The following SLC4A4 variants were observed in gnomAD, a reference collection of about 807,000 sequenced individuals.
The protein encoded by SLC4A4 is electrogenic sodium bicarbonate cotransporter 1.
In SLC4A4, 27 loss-of-function variants were observed where a neutral mutation model predicts 111.5. The observed-to-expected ratio is 0.24, with a 90% CI of 0.18 to 0.33. The LOEUF (loss-of-function observed/expected upper bound fraction) is 0.33, where lower values mean the gene tolerates loss of function less well. SLC4A4 is among the 10% of genes least tolerant of loss of function. The pLI, the probability that SLC4A4 is intolerant of heterozygous loss-of-function variation, is 1.00. For synonymous variants in SLC4A4, 443 were observed against 463.4 expected (o/e 0.96, Z 0.57); for missense variants, 909 against 1,315.5 (o/e 0.69, Z 4.78).
At chr4:71,531,788 C>G (rs1378012783) in intron 16 of SLC4A4, among the ~76,000 whole-genome samples, 18 of 149,400 alleles carry the variant, frequency 1.2e-4, no homozygotes, top group African/African-American at 4.0e-4. Flanking sequence ...CACACACACA[C>G]ACACACACAC....
At chr4:71,379,867 T>C (rs1464558981) in intron 6 of SLC4A4, among the ~76,000 whole-genome samples, 2 of 152,114 alleles carry the variant, frequency 1.3e-5, no homozygotes, top group African/African-American at 4.8e-5. Flanking sequence ...TGTGGAGCTG[T>C]TACTGGGCCA....
At chr4:71,414,394 G>A (rs3935293) in intron 7 of SLC4A4, among the ~76,000 whole-genome samples, 30,062 of 152,228 alleles carry the variant, frequency 0.2, 3,320 homozygotes, top group South Asian at 0.42. Context: ...AGCAAAGGGT[G>A]GGAGAAGCAA....
rs1361943826 is a variant in SLC4A4, at chr4:71,168,848, C to T, written c.-1-67728C>T. Among the ~76,000 whole-genome samples the T allele has an allele frequency of 4.6e-5, 7 of 152,058 alleles. 1 individual carries two copies. The highest frequency in any genetic ancestry group is 2.0e-4 in the Admixed American group (3 of 15,260). ...GTATATGTACCACACTTTATGCATT[C>T]CCCTGTTGATGGGCACTTAGGTTGC... On this transcript the variant is annotated intron_variant, in intron 2 of 26. Coordinates refer to the SLC4A4 transcript ENST00000649996.
At chr4:71,340,445 C>T (rs532040908) in intron 4 of SLC4A4, among the ~76,000 whole-genome samples, 1 of 152,016 alleles carries the variant, frequency 6.6e-6, no homozygotes, top group Non-Finnish European at 1.5e-5. Context: ...TTGTTAGTCC[C>T]TTACTGTGCC....
chr4:71,088,306 C>G (rs756082385), intron 1 of SLC4A4, among the ~76,000 whole-genome samples: 13 of 151,446 alleles, frequency 8.6e-5, no homozygotes, highest in Non-Finnish European at 1.8e-4. Flanking sequence ...GTCTCTGCAC[C>G]TGAGGTGGGT....
intron 3 of SLC4A4, among the ~76,000 whole-genome samples, chr4:71,273,137 T>G (rs1578726998): frequency 6.6e-6 from 1 of 152,204 alleles, no homozygotes; most frequent in Admixed American, 6.5e-5. Context: ...ATGAGGTAGA[T>G]ATAATTATTA....
chr4:71,415,251 G>A (rs1184884449), intron 7 of SLC4A4, among the ~76,000 whole-genome samples: 1 of 152,138 alleles, frequency 6.6e-6, no homozygotes, highest in Non-Finnish European at 1.5e-5. Flanking sequence ...AAGTTCAGAT[G>A]ATTGTATATC....
At chr4:71,323,394 C>A (rs1024811458) in intron 3 of SLC4A4, among the ~76,000 whole-genome samples, 1 of 151,716 alleles carries the variant, frequency 6.6e-6, no homozygotes, top group African/African-American at 2.4e-5. Context: ...AAACAAACAA[C>A]AAGAAAGAAT....
intron 2 of SLC4A4, among the ~76,000 whole-genome samples, chr4:71,249,056 A>C (rs184295009): frequency 6.6e-6 from 1 of 152,252 alleles, no homozygotes; most frequent in Admixed American, 6.5e-5. Context: ...GTGCTCAGTG[A>C]ACATCAAGTA....
chr4:71,181,167 A>C lies in SLC4A4; in HGVS notation c.-1-55409A>C, dbSNP rs958000713. Among the ~76,000 whole-genome samples the C allele has an allele frequency of 2.8e-5, 4 of 140,992 alleles. No individual in the cohort carries two copies. The East Asian group carries it at 8.9e-4, about 31-fold the overall frequency. The allele number at this position is 140,992 out of a possible 152,430, so 92.5% of individuals were successfully genotyped here. A position where few individuals can be genotyped will look rare whatever the true frequency, so the allele number is the denominator to read the frequency against. On this transcript the variant is annotated intron_variant, in intron 2 of 26. Transcript: ENST00000649996. ...ACTCATAGGTGGGAATTGAACAATG[A>C]GAACACATGGACACAGGAAGGGGAA...
intron 2 of SLC4A4, among the ~76,000 whole-genome samples, chr4:71,099,675 T>C (rs556232937): frequency 6.6e-6 from 1 of 151,976 alleles, no homozygotes; most frequent in South Asian, 2.1e-4. Context: ...AAAAAATTAA[T>C]GAGATTGATA....
At chr4:71,406,436 G>T (rs1365061679) in intron 7 of SLC4A4, among the ~76,000 whole-genome samples, 1 of 151,992 alleles carries the variant, frequency 6.6e-6, no homozygotes. Context: ...ATGGGAGGAA[G>T]TTTTTCCTGT....
At chr4:71,452,508 C>T (rs1725861127) in intron 11 of SLC4A4, among the ~76,000 whole-genome samples, 2 of 152,100 alleles carry the variant, frequency 1.3e-5, no homozygotes, top group Non-Finnish European at 2.9e-5. Flanking sequence ...GGCTAAGGTC[C>T]AGTGGTTGTG....
intron 3 of SLC4A4, among the ~76,000 whole-genome samples, chr4:71,303,741 T>A (rs1578792582): frequency 6.9e-6 from 1 of 145,818 alleles, no homozygotes; most frequent in Admixed American, 7.2e-5. Flanking sequence ...TCCCTTCGTC[T>A]TCTTCTTTTA....
intron 1 of SLC4A4, among the ~76,000 whole-genome samples, chr4:71,208,046 C>T (rs1717887499): frequency 6.6e-6 from 1 of 152,174 alleles, no homozygotes; most frequent in African/African-American, 2.4e-5. Flanking sequence ...TGGGCTCAAG[C>T]CATCCCTCTG....
intron 16 of SLC4A4, among the ~76,000 whole-genome samples, chr4:71,504,744 G>A (rs1035544078): frequency 6.6e-6 from 1 of 150,560 alleles, no homozygotes; most frequent in African/African-American, 2.4e-5. Context: ...TTCTAATTCA[G>A]GGTACATATA....
rs372839369 is a variant in SLC4A4 at position 71,440,618 on chromosome 4, G to A, written c.810G>A (p.Leu270=). 1.2e-6 allele frequency: 2 copies of A among 1,614,096 alleles called. No homozygotes were observed. Among genetic ancestry groups the A allele is most frequent in the Non-Finnish European group, 1.7e-6 (2 of 1,179,970 alleles). Residue 270 remains leucine (L), a splice_region_variant and synonymous_variant, in exon 8 of 26, where the codon CTG becomes CTA. Coordinates refer to ENST00000264485, the MANE Select transcript of SLC4A4 (RefSeq NM_001098484.3). ...TTTCCTTGGTTCTTCTCATGCAGCT[G>A]AAGAATAAGTTCATGAAAAAATTGC... is the stretch of plus-strand genomic sequence containing the variant. ...DISDKPEKDQ[L]KNKFMKKLPR...
intron 18 of SLC4A4, among the ~76,000 whole-genome samples, chr4:71,543,493 T>C (rs1224915275): frequency 2.6e-5 from 4 of 152,112 alleles, no homozygotes; most frequent in Non-Finnish European, 4.4e-5. Context: ...ATTCTGATGG[T>C]TATATATAGT....
intron 3 of SLC4A4, chr4:71,300,786 A>G (rs1353831175): frequency 5.5e-6 from 2 of 362,840 alleles, no homozygotes; most frequent in Non-Finnish European, 1.1e-5. Flanking sequence ...AGACCCCCGC[A>G]GCCATCTGCA....
Sources: allele counts gnomAD v4.1 joint callset (sites outside exome capture counted in the v4.1 genomes callset), GRCh38; gene constraint gnomAD v4.1.1; transcripts MANE v1.5; gene names NCBI Gene and HGNC (gene_info 2026-07-23, HGNC 2026-07-21).